Variants in PTPRN2 observed in about 807,000 individuals in gnomAD.
The protein encoded by PTPRN2 is receptor-type tyrosine-protein phosphatase N2.
Under a neutral mutation model 118.8 loss-of-function variants are expected in PTPRN2, and 74 were observed. The observed-to-expected ratio is 0.62, with a 90% confidence interval of 0.52 to 0.76. The LOEUF is 0.76. PTPRN2 is among the 30% of genes least tolerant of loss of function. The pLI, the probability that PTPRN2 is intolerant of heterozygous loss-of-function variation, is 0.00. For synonymous variants in PTPRN2, 641 were observed against 608.0 expected, an observed-to-expected ratio of 1.05 and a Z score of -0.80; for missense variants, 1,481 against 1,394.4, an observed-to-expected ratio of 1.06 and a Z score of -0.99.
intron 1 of PTPRN2, among the ~76,000 whole-genome samples, chr7:158,559,748 C>A (rs978926977): frequency 3.3e-5 from 5 of 152,178 alleles, no homozygotes; most frequent in African/African-American, 1.2e-4. Flanking sequence ...TGACTGGGGT[C>A]CTTGGTCCCA....
chr7:158,092,369 G>T (rs890964942), intron 10 of PTPRN2, among the ~76,000 whole-genome samples: 2 of 150,994 alleles, frequency 1.3e-5, no homozygotes, highest in African/African-American at 4.9e-5. Context: ...AGGATGGATG[G>T]ATGGGTAGAG....
intron 6 of PTPRN2, among the ~76,000 whole-genome samples, chr7:158,163,579 T>A (rs1822573161): frequency 6.6e-6 from 1 of 150,926 alleles, no homozygotes; most frequent in South Asian, 2.1e-4. Context: ...GGGTTCTCAA[T>A]ATTCTCTGTA....
intron 1 of PTPRN2, among the ~76,000 whole-genome samples, chr7:158,495,653 G>A (rs753634069): frequency 3.3e-5 from 5 of 152,198 alleles, no homozygotes; most frequent in South Asian, 2.1e-4. Context: ...CGAAAACAAC[G>A]TGTTAAACCA....
intron 3 of PTPRN2, among the ~76,000 whole-genome samples, chr7:158,298,303 C>T (rs960928188): frequency 2.6e-5 from 4 of 152,024 alleles, no homozygotes; most frequent in Admixed American, 6.5e-5. Context: ...TATTATGAAA[C>T]GTTTCAGGCA....
At chr7:158,463,237 G>A (rs1217760866) in intron 2 of PTPRN2, among the ~76,000 whole-genome samples, 1 of 152,104 alleles carries the variant, frequency 6.6e-6, no homozygotes, top group South Asian at 2.1e-4. Flanking sequence ...GGGCAGGTGA[G>A]CCCATCATCC....
intron 9 of PTPRN2, among the ~76,000 whole-genome samples, chr7:158,120,834 G>A (rs551251912): frequency 1.3e-5 from 2 of 152,262 alleles, no homozygotes; most frequent in South Asian, 2.1e-4. Context: ...CAGAAGGGAG[G>A]CAACAGGGAA....
intron 10 of PTPRN2, among the ~76,000 whole-genome samples, chr7:158,094,271 C>T (rs923849552): frequency 3.9e-5 from 6 of 152,222 alleles, no homozygotes; most frequent in Admixed American, 6.5e-5. Context: ...TCGCCATTCC[C>T]GAAGGACCAG....
chr7:158,038,274 C>A (rs1808218599), intron 11 of PTPRN2, among the ~76,000 whole-genome samples: 2 of 152,038 alleles, frequency 1.3e-5, no homozygotes, highest in South Asian at 2.1e-4. Context: ...GATAGACAAC[C>A]AATGTGAAGA....
rs1305493037 is a variant in PTPRN2 at position 157,895,042 on chromosome 7, G to A, written c.1788+3631C>T. Among the ~76,000 whole-genome samples the A allele has an allele frequency of 4.7e-5, 5 of 107,032 alleles. 1 individual carries two copies. Among genetic ancestry groups the A allele is most frequent in the East Asian group, 2.7e-4 (1 of 3,640 alleles). 70.2% of individuals were successfully genotyped at this position (107,032 alleles called of 152,430 possible). A position where few individuals can be genotyped will look rare whatever the true frequency, so the allele number is the denominator to read the frequency against. On this transcript the variant is annotated intron_variant, in intron 12 of 22. Coordinates refer to ENST00000389418, the MANE Select transcript of PTPRN2 (RefSeq NM_002847.5). ...AAAAAAGACTTCATCAACCACAAAA[G>A]AGGACCCCTCCCCCACAGGAGGGGG...
chr7:158,322,495 A>G (rs1297886219), intron 2 of PTPRN2, among the ~76,000 whole-genome samples: 1 of 151,548 alleles, frequency 6.6e-6, no homozygotes, highest in African/African-American at 2.4e-5. Context: ...GGCGACGGGG[A>G]GGGAGCAGTT....
In PTPRN2 at chr7:157,898,260, C is replaced by T. The variant is rs185723678; in HGVS notation, c.1788+413G>A. On this transcript the variant is annotated intron_variant, in intron 12 of 22. Transcript: ENST00000389418. Reference sequence around the variant, plus strand: ...TTTTATATTGCCTCTCCCAAATGTGCGTCCTTCGATATTGAAGATACAAGT... The same window carrying T: ...TTTTATATTGCCTCTCCCAAATGTGTGTCCTTCGATATTGAAGATACAAGT... Among the ~76,000 whole-genome samples, 505 of 152,320 alleles carry T rather than the reference C, an allele frequency of 3.3e-3. 6 individuals are homozygous for T. Among genetic ancestry groups the T allele is most frequent in the African/African-American group, 0.012 (493 of 41,562 alleles).
rs191667365 is a variant in PTPRN2 at position 158,220,483 on chromosome 7, T to A, written c.278-15210A>T. Among the ~76,000 whole-genome samples the A allele has an allele frequency of 3.6e-3, 548 of 152,058 alleles. 2 individuals are homozygous for A. Among genetic ancestry groups the A allele is most frequent in the African/African-American group, 0.012 (496 of 41,490 alleles). ...CTTCAGTAAAGTTTCAGGAAAAAAA[T>A]ATCAATGTATAAAAACCAGTAGCAT... On this transcript the variant is annotated intron_variant, in intron 3 of 22. Transcript: ENST00000389418.
intron 2 of PTPRN2, among the ~76,000 whole-genome samples, chr7:158,336,922 G>A (rs1325812188): frequency 4.5e-4 from 46 of 102,578 alleles, no homozygotes; most frequent in Middle Eastern, 4.8e-3. Flanking sequence ...GACGCCCGCA[G>A]ACGTCACTCA....
intron 2 of PTPRN2, among the ~76,000 whole-genome samples, chr7:158,332,212 C>T (rs563162324): frequency 6.7e-6 from 1 of 149,712 alleles, no homozygotes; most frequent in East Asian, 1.9e-4. Context: ...AGACATCACT[C>T]ACATCCACAC....
At chr7:158,179,484 T>C (rs1341723178) in intron 5 of PTPRN2, among the ~76,000 whole-genome samples, 1 of 152,222 alleles carries the variant, frequency 6.6e-6, no homozygotes, top group African/African-American at 2.4e-5. Flanking sequence ...ATGAAGCTTT[T>C]CAGTTTAATT....
At chr7:158,485,296 C>A (rs1036287698) in intron 2 of PTPRN2, among the ~76,000 whole-genome samples, 2 of 152,046 alleles carry the variant, frequency 1.3e-5, no homozygotes, top group Non-Finnish European at 2.9e-5. Flanking sequence ...TGGGCTCCAG[C>A]GCTATGGTGT....
intron 19 of PTPRN2, 144 bp from the exon 20 acceptor site, chr7:157,571,637 C>T (rs911529150): frequency 2.3e-5 from 14 of 602,958 alleles, no homozygotes; most frequent in South Asian, 4.5e-5. Context: ...AAAAATCATA[C>T]GCATAATATC....
chr7:158,138,609 C>G, intron 6 of PTPRN2, 94 bp from the exon 7 acceptor site: 1 of 1,228,430 alleles, frequency 8.1e-7, no homozygotes, highest in Non-Finnish European at 1.1e-6. Flanking sequence ...GCGTCTGCGG[C>G]GTCCCAAGGC....
rs1804743963 is a variant in PTPRN2, at chr7:157,794,504, TCTCC to T, written c.1788+104165_1788+104168del. Among the ~76,000 whole-genome samples, 1 of 152,190 alleles carries T rather than the reference TCTCC, an allele frequency of 6.6e-6. No individual in the cohort carries two copies. Among genetic ancestry groups the T allele is most frequent in the Non-Finnish European group, 1.5e-5 (1 of 68,042 alleles). On this transcript the variant is annotated intron_variant, in intron 12 of 22. Transcript: ENST00000389418. This position sits in a 1 kb window ranked among gnomAD's most constrained non-coding sequence, Gnocchi z 5.2. ...CTTTCGGATAAGTATGAAAATAGGC[TCTCC>T]CTCTCTGAGTCAAAGGAGGCAATTA...
Sources: gnomAD v4.1 joint callset for allele counts (sites outside exome capture counted in the v4.1 genomes callset) on GRCh38, gnomAD v4.1.1 for gene constraint, Gnocchi (gnomAD v3.1) non-coding constraint, MANE v1.5 for transcripts, NCBI Gene and HGNC (gene_info 2026-07-23, HGNC 2026-07-21) for gene names.